The following BRD9 variants were observed in gnomAD, a reference collection of about 807,000 sequenced individuals.
BRD9 encodes bromodomain-containing protein 9.
In BRD9, 47 loss-of-function variants were observed where a neutral mutation model predicts 68.7. The observed-to-expected ratio is 0.68, with a 90% CI of 0.54 to 0.87. The LOEUF (loss-of-function observed/expected upper bound fraction) is 0.87. Among genes scored for constraint, BRD9 ranks in the 40% least tolerant of loss-of-function variants. The pLI, the probability that BRD9 is intolerant of heterozygous loss-of-function variation, is 0.00. For missense variants in BRD9, 670 were observed against 748.4 expected, an observed-to-expected ratio of 0.90 and a Z score of 1.22; for synonymous variants, 313 against 293.9, an observed-to-expected ratio of 1.06 and a Z score of -0.67.
chr5:876,861 G>A lies in BRD9; in HGVS notation c.1272-649C>T, dbSNP rs148276318. On this transcript the variant is annotated intron_variant, in intron 11 of 15. Transcript: ENST00000467963. ...TCACAGGAGGCAACAGGGAGACTCC[G>A]TGTCTTTGTTAAAACACCCACAGCC... 1.6e-3 allele frequency among the ~76,000 whole-genome samples: 242 copies of A among 152,282 alleles called. 2 individuals are homozygous for A. Among genetic ancestry groups the A allele is most frequent in the African/African-American group, 5.6e-3 (233 of 41,542 alleles).
At chr5:889,831 G>A (rs1035195375) in intron 3 of BRD9, 184 bp from the exon 4 acceptor site, 142 of 1,305,554 alleles carry the variant, frequency 1.1e-4, no homozygotes, top group Non-Finnish European at 1.3e-4. Context: ...GGTAGAAAGG[G>A]CACCCCCACA....
rs1750873254 is a variant in BRD9, at chr5:876,084, G to T, written c.1383+17C>A. The T allele has an allele frequency of 1.9e-6, 3 of 1,588,684 alleles. No homozygotes were observed. The highest frequency in any genetic ancestry group is 2.6e-6 in the Non-Finnish European group (3 of 1,160,788). The stretch of plus-strand genomic sequence containing the variant: ...CAAGGGCACCTGCCCCCCAACCCCG[G>T]TGCGAGTGCAGCCCACCTGCTTCAG... On this transcript the variant is annotated intron_variant, in intron 12 of 15. Coordinates refer to ENST00000467963, the MANE Select transcript of BRD9 (RefSeq NM_023924.5).
Position 891,728 on chromosome 5 carries a change from C to T in BRD9, c.179G>A (p.Arg60Gln), listed in dbSNP as rs1314666288. The change falls in exon 2 of 16, where the codon CGA becomes CAA. Residue 60 changes from arginine (R) to glutamine (Q), a missense_variant. Around this residue, in one of 5 missense-constraint regions of BRD9, gnomAD observed 161 missense variants for 148.1 expected, o/e 1.09. Coordinates refer to ENST00000467963, the MANE Select transcript of BRD9 (RefSeq NM_023924.5). ...SYYDDRSDHE[R>Q]ERHKEKKKKK... is the part of the protein sequence containing the mutation. Reference sequence around the variant, plus strand: ...CTTTTTCTTTTCTTTGTGCCTCTCTCGCTCATGGTCTGACCTGTCATCATA... The same window carrying T: ...CTTTTTCTTTTCTTTGTGCCTCTCTTGCTCATGGTCTGACCTGTCATCATA... 2 of 1,551,552 alleles carry T rather than the reference C, an allele frequency of 1.3e-6. No homozygotes were observed. The highest frequency in any genetic ancestry group is 2.4e-5 in the East Asian group (1 of 40,930).
At chr5:885,305 G>T (rs1363015069) in intron 7 of BRD9, among the ~76,000 whole-genome samples, 1 of 152,224 alleles carries the variant, frequency 6.6e-6, no homozygotes, top group Non-Finnish European at 1.5e-5. Flanking sequence ...TGGCCACGCA[G>T]CGCACCCTGT....
At chr5:876,253 T>G (rs761915408) in intron 11 of BRD9, 41 bp from the exon 12 acceptor site, 1 of 1,526,376 alleles carries the variant, frequency 6.6e-7, no homozygotes, top group African/African-American at 1.4e-5. Context: ...AAGGAGCCCT[T>G]GTCGCCTGGC....
intron 3 of BRD9, chr5:889,981 G>T: frequency 2.8e-6 from 1 of 352,944 alleles, no homozygotes; most frequent in Non-Finnish European, 5.6e-6. Context: ...GGACATAAAG[G>T]TTGATCCTGA....
chr5:886,997 C>T (rs1752671540), intron 6 of BRD9: 11 of 512,498 alleles, frequency 2.1e-5, no homozygotes, highest in South Asian at 1.5e-4. Context: ...GCCTGGCTCA[C>T]GGCACAGATC....
At chr5:877,419 A>C (rs777722109) in intron 11 of BRD9, among the ~76,000 whole-genome samples, 1 of 152,184 alleles carries the variant, frequency 6.6e-6, no homozygotes, top group Non-Finnish European at 1.5e-5. Flanking sequence ...TCAGGTTTTC[A>C]CTTATTTTAT....
intron 11 of BRD9, among the ~76,000 whole-genome samples, 182 bp downstream of exon 11, chr5:878,173 T>C (rs1472041373): frequency 6.6e-6 from 1 of 152,040 alleles, no homozygotes; most frequent in Non-Finnish European, 1.5e-5. Context: ...TACCCAGATT[T>C]CAGGACTGGC....
chr5:871,701 G>A, intron 12 of BRD9, 137 bp from the exon 13 acceptor site: 1 of 816,652 alleles, frequency 1.2e-6, no homozygotes, highest in Non-Finnish European at 2.1e-6. Flanking sequence ...CCATCTTAAT[G>A]GATTAAGGCT....
intron 8 of BRD9, chr5:882,541 A>C (rs1232281913): frequency 9.4e-5 from 15 of 159,464 alleles, no homozygotes. Context: ...CACAAAAACC[A>C]CAACCTCCCA....
chr5:889,415 C>T (rs1174207166), intron 4 of BRD9, among the ~76,000 whole-genome samples, 172 bp downstream of exon 4: 1 of 152,112 alleles, frequency 6.6e-6, no homozygotes, highest in Non-Finnish European at 1.5e-5. Flanking sequence ...CAGAGTGAGC[C>T]ACTAATGAGT....
At chr5:891,989 G>T (rs555977016) in intron 1 of BRD9, 135 bp from the exon 2 acceptor site, 2 of 1,381,202 alleles carry the variant, frequency 1.4e-6, no homozygotes, top group African/African-American at 2.9e-5. Context: ...AGGGAAAGAC[G>T]GAAGGGAAGA....
intron 14 of BRD9, among the ~76,000 whole-genome samples, chr5:868,023 G>A (rs1398639094): frequency 6.6e-6 from 1 of 152,182 alleles, no homozygotes; most frequent in Non-Finnish European, 1.5e-5. Flanking sequence ...TTAGGGGAGG[G>A]TCCTGGTGGA....
At chr5:878,276 C>T in intron 11 of BRD9, 79 bp downstream of exon 11, 1 of 1,581,032 alleles carries the variant, frequency 6.3e-7, no homozygotes, top group Non-Finnish European at 8.6e-7. Context: ...CACCCGCACA[C>T]ATGTGGGACT....
intron 12 of BRD9, among the ~76,000 whole-genome samples, chr5:875,900 G>A (rs566953083): frequency 1.6e-4 from 24 of 152,352 alleles, no homozygotes; most frequent in Admixed American, 3.9e-4. Context: ...TTACGAGTGC[G>A]CTGGGAGTGG....
chr5:865,484 G>A lies in BRD9; in HGVS notation c.1623C>T (p.Arg541=), dbSNP rs372573589. ...LQDLHEAQAE[R]GGSRPSSNLS... ...GGTTGGACGACGGCCGAGAGCCGCC[G>A]CGCTCCGCCTGTGCTTCGTGCAGGT... Residue 541 remains arginine (R), a synonymous_variant, in exon 15 of 16, where the codon CGC becomes CGT. Coordinates refer to ENST00000467963, the MANE Select transcript of BRD9 (RefSeq NM_023924.5). The A allele has an allele frequency of 2.1e-4, 341 of 1,603,286 alleles. 1 individual carries two copies. The highest frequency in any genetic ancestry group is 2.3e-4 in the Non-Finnish European group (266 of 1,174,658).
intron 6 of BRD9, 182 bp from the exon 7 acceptor site, chr5:886,889 G>A (rs1752651383): frequency 9.3e-7 from 1 of 1,079,048 alleles, no homozygotes; most frequent in Non-Finnish European, 1.3e-6. Flanking sequence ...ACTTTCCACG[G>A]CGGAGCAGCG....
chr5:892,778 A>G lies in BRD9; in HGVS notation c.-121T>C. 2 of 1,096,414 alleles carry G rather than the reference A, an allele frequency of 1.8e-6. No homozygotes were observed. The highest frequency in any genetic ancestry group is 1.2e-6 in the Non-Finnish European group (1 of 868,148). The allele number at this position is 1,096,414 out of a possible 1,614,324, so 67.9% of individuals were successfully genotyped here. ...CGCGCTCGCTGCGCCGAGGTTGCCG[A>G]GCTCGCTGGGCCGCGCCGGAAACGG... On this transcript the variant is annotated 5_prime_UTR_variant, in exon 1 of 16. Transcript: ENST00000467963.
Sources: gnomAD v4.1 joint callset for allele counts (sites outside exome capture counted in the v4.1 genomes callset) on GRCh38, gnomAD v4.1.1 for gene constraint, gnomAD v4.1.1 regional missense constraint, MANE v1.5 for transcripts, NCBI Gene and HGNC (gene_info 2026-07-23, HGNC 2026-07-21) for gene names.